Variants in MYRIP observed in about 807,000 individuals in gnomAD.
MYRIP encodes the protein rab effector MyRIP.
Under a neutral mutation model 98.0 loss-of-function variants are expected in MYRIP, and 49 were observed. The ratio of observed to expected loss-of-function variants is 0.50; its 90% CI spans 0.40 to 0.63. The LOEUF (loss-of-function observed/expected upper bound fraction) is 0.63. Among genes scored for constraint, MYRIP ranks in the 30% least tolerant of loss-of-function variants. The pLI, the probability that MYRIP is intolerant of heterozygous loss-of-function variation, is 0.00. For missense variants in MYRIP, 1,004 were observed against 1,058.2 expected, an observed-to-expected ratio of 0.95 and a Z score of 0.71; for synonymous variants, 404 against 409.5, an observed-to-expected ratio of 0.99 and a Z score of 0.16.
At chr3:40,094,279 C>T (rs1489243908) in intron 3 of MYRIP, among the ~76,000 whole-genome samples, 1 of 152,154 alleles carries the variant, frequency 6.6e-6, no homozygotes, top group Non-Finnish European at 1.5e-5. Context: ...TTATCACAAC[C>T]CTATGAAACA....
rs769578941 is a variant in MYRIP, at chr3:39,900,864, G to A, written c.48G>A (p.Glu16=). 1 of 1,613,890 alleles carries A rather than the reference G, an allele frequency of 6.2e-7. No homozygotes were observed. The highest frequency in any genetic ancestry group is 1.7e-5 in the Admixed American group (1 of 60,016). ...DLSGLTDDET[E]HVLQVVQRDF... is the part of the protein sequence containing the mutation. ...CTGGTTTGACTGATGATGAAACAGA[G>A]CATGTTCTTCAGGTGGTTCAAAGAG... The change falls in exon 2 of 17, where the codon GAG becomes GAA. Residue 16 remains glutamate (E), a synonymous_variant. Transcript: ENST00000302541.
chr3:39,809,724 C>A lies in MYRIP; in HGVS notation c.-223C>A. The A allele has an allele frequency of 6.6e-6, 1 of 152,108 alleles. No individual in the cohort carries two copies. The highest frequency in any genetic ancestry group is 1.9e-4 in the East Asian group (1 of 5,154). The allele number at this position is 152,108 out of a possible 1,614,324, so 9.4% of individuals were successfully genotyped here. Reference sequence around the variant, plus strand: ...GTTCCCGCTGCGGCTGCGGTTCTGGCAGCCGAGCCCCCGCGGTGCTGCAGC... The same window carrying A: ...GTTCCCGCTGCGGCTGCGGTTCTGGAAGCCGAGCCCCCGCGGTGCTGCAGC... On this transcript the variant is annotated 5_prime_UTR_variant, in exon 1 of 17. Coordinates refer to ENST00000302541, the MANE Select transcript of MYRIP (RefSeq NM_015460.4).
rs142272924 is a variant in MYRIP at position 39,895,824 on chromosome 3, A to G, written c.-30-4963A>G. ...GATGATTTGCAATACTAGGTTTTAA[A>G]GTATGTTCCTGACCTGAGATCAGGT... On this transcript the variant is annotated intron_variant, in intron 1 of 16. Transcript: ENST00000302541. Among the ~76,000 whole-genome samples the G allele has an allele frequency of 5.1e-4, 78 of 152,332 alleles. 2 individuals carry two copies. The East Asian group carries it at 0.014, about 27-fold the overall frequency.
chr3:40,255,416 T>A (rs550254631), intron 16 of MYRIP, among the ~76,000 whole-genome samples: 31 of 152,330 alleles, frequency 2.0e-4, no homozygotes, highest in Admixed American at 5.2e-4. Flanking sequence ...AATTGTTCAC[T>A]TTAGAATGGT....
At chr3:40,010,382 G>A (rs1946735484) in intron 2 of MYRIP, among the ~76,000 whole-genome samples, 1 of 152,170 alleles carries the variant, frequency 6.6e-6, no homozygotes. Context: ...AAGAGCAGAG[G>A]AGCCCTGGCC....
chr3:40,161,837 C>T (rs566721651), intron 4 of MYRIP, among the ~76,000 whole-genome samples: 1 of 152,246 alleles, frequency 6.6e-6, no homozygotes, highest in South Asian at 2.1e-4. Flanking sequence ...CTTTTAGAGG[C>T]ACAGATCTTA....
At chr3:40,058,415 C>A (rs1009014912) in intron 3 of MYRIP, among the ~76,000 whole-genome samples, 1 of 152,142 alleles carries the variant, frequency 6.6e-6, no homozygotes, top group African/African-American at 2.4e-5. Flanking sequence ...ACTATTTGTA[C>A]TGTATCTCAA....
chr3:40,238,893 AT>A (rs1407428908), intron 12 of MYRIP, among the ~76,000 whole-genome samples: 6 of 152,048 alleles, frequency 3.9e-5, no homozygotes, highest in Admixed American at 2.0e-4. Context: ...TGGCATGGGT[AT>A]TTTTTTATTT....
At chr3:40,164,944 G>A (rs1240280360) in intron 5 of MYRIP, among the ~76,000 whole-genome samples, 4 of 152,198 alleles carry the variant, frequency 2.6e-5, no homozygotes, top group African/African-American at 9.7e-5. Flanking sequence ...GTACATGAGA[G>A]CATGGACTCA....
At chr3:39,973,818 T>A (rs951277919) in intron 2 of MYRIP, among the ~76,000 whole-genome samples, 4 of 152,062 alleles carry the variant, frequency 2.6e-5, no homozygotes, top group African/African-American at 9.7e-5. Flanking sequence ...CATAACGAAA[T>A]GAAGGCAGAA....
intron 11 of MYRIP, among the ~76,000 whole-genome samples, chr3:40,212,271 T>A: frequency 7.6e-6 from 1 of 131,522 alleles, no homozygotes; most frequent in South Asian, 2.4e-4. Context: ...CGTATATATA[T>A]AGAGAGAGAG....
intron 13 of MYRIP, among the ~76,000 whole-genome samples, chr3:40,245,949 C>T (rs1486252644): frequency 3.8e-5 from 5 of 130,666 alleles, no homozygotes; most frequent in East Asian, 2.3e-4. Context: ...TTAGTAGAGA[C>T]GGGGGTTTCA....
chr3:40,140,005 G>A (rs1384206742), intron 3 of MYRIP, among the ~76,000 whole-genome samples: 1 of 152,180 alleles, frequency 6.6e-6, no homozygotes, highest in Non-Finnish European at 1.5e-5. Context: ...TAAAATTGCT[G>A]TAAGTTTTCT....
intron 11 of MYRIP, chr3:40,232,751 T>G (rs1365298911): frequency 1.3e-5 from 2 of 152,254 alleles, no homozygotes; most frequent in African/African-American, 4.8e-5. Context: ...GTTGTGCCTC[T>G]GCTTCATTAA....
At chr3:40,186,483 C>T (rs1951037399) in intron 9 of MYRIP, among the ~76,000 whole-genome samples, 1 of 152,076 alleles carries the variant, frequency 6.6e-6, no homozygotes, top group Non-Finnish European at 1.5e-5. Context: ...GGAGCTTGAC[C>T]CCACTGGGGA....
chr3:40,215,026 A>G (rs1441379566), intron 11 of MYRIP, among the ~76,000 whole-genome samples: 1 of 152,214 alleles, frequency 6.6e-6, no homozygotes, highest in African/African-American at 2.4e-5. Context: ...GCTTCTTAAC[A>G]TAAGTATCAT....
chr3:40,015,898 T>G (rs1380137859), intron 2 of MYRIP, among the ~76,000 whole-genome samples: 1 of 152,146 alleles, frequency 6.6e-6, no homozygotes, highest in Non-Finnish European at 1.5e-5. Context: ...GCAGTCCAGT[T>G]TCTATAACAT....
chr3:40,204,156 A>AT (rs1394613909), intron 10 of MYRIP, among the ~76,000 whole-genome samples: 770 of 31,792 alleles, frequency 0.024, 68 homozygotes, highest in Non-Finnish European at 0.038. Context: ...ATATATAAAT[A>AT]TATAATATAA....
intron 1 of MYRIP, among the ~76,000 whole-genome samples, chr3:39,867,080 G>C (rs1942649441): frequency 6.6e-6 from 1 of 152,148 alleles, no homozygotes; most frequent in Non-Finnish European, 1.5e-5. Flanking sequence ...AGTGGGCAAA[G>C]GATAGTTTCT....
Sources: gnomAD v4.1 joint callset for allele counts (sites outside exome capture counted in the v4.1 genomes callset) on GRCh38, gnomAD v4.1.1 for gene constraint, MANE v1.5 for transcripts, NCBI Gene and HGNC (gene_info 2026-07-23, HGNC 2026-07-21) for gene names.